The following CSMD1 variants were observed in gnomAD, a reference collection of about 807,000 sequenced individuals.
CSMD1 encodes the protein CUB and Sushi multiple domains 1, also known as CUB and sushi domain-containing protein 1.
CSMD1 carries 213 observed loss-of-function variants against 417.5 expected under a neutral mutation model. The observed-to-expected ratio is 0.51, with a 90% CI of 0.46 to 0.57. The LOEUF (loss-of-function observed/expected upper bound fraction) is 0.57. Ranked by LOEUF, CSMD1 falls within the 20% of genes least tolerant of loss-of-function variation. The pLI is 0.00. For synonymous variants in CSMD1, 2,862 were observed against 1,736.8 expected, an observed-to-expected ratio of 1.65 and a Z score of -16.11; for missense variants, 6,923 against 4,529.7, an observed-to-expected ratio of 1.53 and a Z score of -15.17.
chr8:3,900,160 C>A lies in CSMD1; in HGVS notation c.818+97743G>T, dbSNP rs1807633335. On this transcript the variant is annotated intron_variant, in intron 5 of 69. Transcript: ENST00000635120. ...TGGGTGACAGTGCAGCTAGATGACA[C>A]CACAGCTGGGTGACAGTGTAGCTGG... 2.0e-5 allele frequency among the ~76,000 whole-genome samples: 3 copies of A among 149,618 alleles called. 1 individual carries two copies. In the South Asian group the frequency reaches 6.4e-4, roughly 32 times the overall value.
intron 3 of CSMD1, among the ~76,000 whole-genome samples, chr8:4,197,504 C>G (rs1012732372): frequency 6.6e-6 from 1 of 152,186 alleles, no homozygotes; most frequent in Admixed American, 6.5e-5. Context: ...GACTCTCTGT[C>G]AAGTAAGACA....
At chr8:4,789,614 G>A (rs1188039371) in intron 1 of CSMD1, among the ~76,000 whole-genome samples, 2 of 152,138 alleles carry the variant, frequency 1.3e-5, no homozygotes, top group East Asian at 3.9e-4. Flanking sequence ...TCACTCCAGT[G>A]TGGGGAAGTT....
In CSMD1 at chr8:4,957,491, G is replaced by C. The variant is rs560643046; in HGVS notation, c.85+36841C>G. ...CATTTCAGGGAAGACACACATATCA[G>C]AGTAGAAATAACTACTTCTTATCAA... On this transcript the variant is annotated intron_variant, in intron 1 of 69. Transcript: ENST00000635120. Among the ~76,000 whole-genome samples, 7 of 152,256 alleles carry C rather than the reference G, an allele frequency of 4.6e-5. No individual in the cohort carries two copies. The South Asian group carries it at 1.5e-3, about 32-fold the overall frequency.
intron 2 of CSMD1, among the ~76,000 whole-genome samples, chr8:4,598,600 C>T (rs1004302784): frequency 6.6e-6 from 1 of 152,156 alleles, no homozygotes; most frequent in African/African-American, 2.4e-5. Flanking sequence ...ACTTTAGATA[C>T]ATTTGTTTCT....
At chr8:3,179,025 G>A (rs1821122471) in intron 37 of CSMD1, among the ~76,000 whole-genome samples, 1 of 149,056 alleles carries the variant, frequency 6.7e-6, no homozygotes, top group Non-Finnish European at 1.5e-5. Flanking sequence ...TTGGCTCACT[G>A]CAAGCTCTGC....
At position 4,942,422 on chromosome 8, in the gene CSMD1, T is replaced by A. The variant is rs1479223243; in HGVS notation, c.85+51910A>T. On this transcript the variant is annotated intron_variant, in intron 1 of 69. Transcript: ENST00000635120. ...ATGTTGTACTGGAGGAATTCACAGT[T>A]ATCTACATCATGCCCAACCAACCAT... is the stretch of plus-strand genomic sequence containing the variant. 2.5e-4 allele frequency among the ~76,000 whole-genome samples: 38 copies of A among 152,220 alleles called. 1 individual carries two copies. Among genetic ancestry groups the A allele is most frequent in the Admixed American group, 2.5e-3 (38 of 15,280 alleles).
intron 3 of CSMD1, among the ~76,000 whole-genome samples, chr8:4,159,874 G>A (rs1380691809): frequency 1.3e-5 from 2 of 152,142 alleles, no homozygotes; most frequent in East Asian, 1.9e-4. Context: ...TCACCCATAA[G>A]TGCGAGCTAG....
intron 1 of CSMD1, among the ~76,000 whole-genome samples, chr8:4,894,736 G>A (rs1164615347): frequency 2.0e-5 from 3 of 151,568 alleles, no homozygotes; most frequent in Non-Finnish European, 2.9e-5. Flanking sequence ...GAGGAGGACC[G>A]AGGGGGACCA....
chr8:3,069,382 C>T (rs1369954349), intron 49 of CSMD1, among the ~76,000 whole-genome samples: 1 of 151,662 alleles, frequency 6.6e-6, no homozygotes, highest in Non-Finnish European at 1.5e-5. Context: ...TTGCAGTGAG[C>T]CAAGATCACA....
intron 2 of CSMD1, among the ~76,000 whole-genome samples, chr8:4,576,280 GC>G (rs1457901927): frequency 6.6e-6 from 1 of 152,172 alleles, no homozygotes; most frequent in African/African-American, 2.4e-5. Context: ...GCTTCCTCTT[GC>G]CACAGGGCAT....
Position 4,791,099 on chromosome 8 carries a change from A to G in CSMD1, c.86-153541T>C, listed in dbSNP as rs117090127. Among the ~76,000 whole-genome samples, 928 of 150,928 alleles carry G rather than the reference A, an allele frequency of 6.1e-3. 6 individuals carry two copies. The highest frequency in any genetic ancestry group is 8.4e-3 in the Non-Finnish European group (573 of 67,952). ...GAGAGACGGTGAGAGAGACGGTGAGAAGAGACGGGGAGAAGAGACGGGGAG... is the reference window on the plus strand; with the variant it reads ...GAGAGACGGTGAGAGAGACGGTGAGGAGAGACGGGGAGAAGAGACGGGGAG... On this transcript the variant is annotated intron_variant, in intron 1 of 69. Transcript: ENST00000635120.
intron 7 of CSMD1, among the ~76,000 whole-genome samples, chr8:3,634,574 G>T (rs892926008): frequency 2.0e-5 from 3 of 152,078 alleles, no homozygotes; most frequent in African/African-American, 4.8e-5. Flanking sequence ...ACTGTCACAA[G>T]CCATAGCCAT....
intron 1 of CSMD1, among the ~76,000 whole-genome samples, chr8:4,950,143 TC>T (rs1808644305): frequency 6.6e-6 from 1 of 152,126 alleles, no homozygotes; most frequent in South Asian, 2.1e-4. Context: ...ATGTCTATGT[TC>T]CCATGTAGCA....
At chr8:3,907,294 A>G (rs952777039) in intron 5 of CSMD1, among the ~76,000 whole-genome samples, 11 of 152,214 alleles carry the variant, frequency 7.2e-5, no homozygotes, top group African/African-American at 2.2e-4. Context: ...ACTTTTTAAG[A>G]AGACATTAAC....
chr8:4,309,370 C>G (rs80303514), intron 3 of CSMD1, among the ~76,000 whole-genome samples: 1 of 151,740 alleles, frequency 6.6e-6, no homozygotes, highest in African/African-American at 2.4e-5. Flanking sequence ...ATCTTTTGTT[C>G]TGTAGTCCCT....
chr8:3,560,591 G>A (rs1050558455), intron 10 of CSMD1, among the ~76,000 whole-genome samples: 4 of 152,148 alleles, frequency 2.6e-5, no homozygotes, highest in Non-Finnish European at 5.9e-5. Context: ...GAGGAAGAAG[G>A]AATGGAAAGG....
chr8:3,858,650 T>C (rs76697971), intron 5 of CSMD1, among the ~76,000 whole-genome samples: 3 of 150,344 alleles, frequency 2.0e-5, no homozygotes, highest in East Asian at 3.9e-4. Context: ...ATGTATTTAA[T>C]GCTGTTATAA....
intron 1 of CSMD1, among the ~76,000 whole-genome samples, chr8:4,661,745 A>G (rs1284450347): frequency 3.3e-5 from 5 of 152,346 alleles, no homozygotes; most frequent in South Asian, 2.1e-4. Flanking sequence ...AATATAGACT[A>G]AGATCAATGT....
At chr8:3,725,987 T>C (rs1487767031) in intron 6 of CSMD1, among the ~76,000 whole-genome samples, 1 of 152,190 alleles carries the variant, frequency 6.6e-6, no homozygotes, top group African/African-American at 2.4e-5. Flanking sequence ...TGTGTGTGAC[T>C]ACGGAGACCG....
Sources: allele counts gnomAD v4.1 joint callset (sites outside exome capture counted in the v4.1 genomes callset), GRCh38; gene constraint gnomAD v4.1.1; transcripts MANE v1.5; gene names NCBI Gene and HGNC (gene_info 2026-07-23, HGNC 2026-07-21).